Variants in GNA14 observed in about 807,000 individuals in gnomAD.
GNA14 encodes guanine nucleotide-binding protein subunit alpha-14.
Under a neutral mutation model 42.0 loss-of-function variants are expected in GNA14, and 50 were observed. That is an observed-to-expected ratio of 1.19 (90% confidence interval 0.95 to 1.51). The LOEUF (loss-of-function observed/expected upper bound fraction) is 1.51. Among genes scored for constraint, GNA14 ranks in the 40% most tolerant of loss-of-function variants. The probability of loss-of-function intolerance (pLI) is 0.00; values close to 1 mark genes in which losing one functional copy is unlikely to be tolerated. For missense variants in GNA14, 473 were observed against 446.2 expected, an observed-to-expected ratio of 1.06 and a Z score of -0.54; for synonymous variants, 173 against 163.1, an observed-to-expected ratio of 1.06 and a Z score of -0.46.
chr9:77,468,902 A>T (rs1234193155), intron 2 of GNA14, among the ~76,000 whole-genome samples: 1 of 152,258 alleles, frequency 6.6e-6, no homozygotes, highest in Non-Finnish European at 1.5e-5. Flanking sequence ...CTTCTCCAGC[A>T]TATCCTAGCC....
chr9:77,637,047 T>C (rs930459272), intron 1 of GNA14, among the ~76,000 whole-genome samples: 9 of 152,170 alleles, frequency 5.9e-5, no homozygotes, highest in African/African-American at 1.9e-4. Context: ...AGTACAAGGA[T>C]CTATGCAAAC....
intron 1 of GNA14, among the ~76,000 whole-genome samples, chr9:77,627,733 G>A (rs1029571654): frequency 9.2e-5 from 14 of 152,230 alleles, no homozygotes; most frequent in African/African-American, 3.1e-4. Flanking sequence ...GGTATTGATG[G>A]AACGTATCTC....
intron 2 of GNA14, among the ~76,000 whole-genome samples, chr9:77,437,558 G>C (rs1317726188): frequency 6.7e-6 from 1 of 150,196 alleles, no homozygotes; most frequent in African/African-American, 2.5e-5. Context: ...GAAAGAGAGA[G>C]AGAAAGAGAG....
chr9:77,429,564 G>T (rs913922937), intron 4 of GNA14, among the ~76,000 whole-genome samples: 3 of 101,436 alleles, frequency 3.0e-5, no homozygotes, highest in Non-Finnish European at 7.2e-5. Context: ...GAAATCCAAA[G>T]CCTCTATATC....
rs147763222 is a variant in GNA14 at position 77,434,432 on chromosome 9, C to T, written c.400G>A (p.Asp134Asn). Reference sequence around the variant, plus strand: ...TCGTAACACTCCTGGATGCCTGGATCTTGCCAGAGCTGCTTGATGGCCTCC... The same window carrying T: ...TCGTAACACTCCTGGATGCCTGGATTTTGCCAGAGCTGCTTGATGGCCTCC... ...QVEAIKQLWQ[D>N]PGIQECYDRR... The change falls in exon 3 of 7, where the codon GAT (aspartate) becomes AAT (asparagine). Residue 134 changes from aspartate (D) to asparagine (N), a missense_variant. Coordinates refer to ENST00000341700, the MANE Select transcript of GNA14 (RefSeq NM_004297.4). 4.2e-5 allele frequency: 68 copies of T among 1,613,940 alleles called. No individual in the cohort carries two copies. The African/African-American group carries it at 8.3e-4, about 20-fold the overall frequency.
At chr9:77,482,646 G>A (rs2131729798) in intron 2 of GNA14, among the ~76,000 whole-genome samples, 1 of 152,286 alleles carries the variant, frequency 6.6e-6, no homozygotes, top group East Asian at 1.9e-4. Flanking sequence ...ATCCTGCAGA[G>A]TGTTTTCCAA....
intron 2 of GNA14, among the ~76,000 whole-genome samples, chr9:77,514,771 G>A (rs571734651): frequency 3.3e-5 from 5 of 152,000 alleles, no homozygotes; most frequent in Admixed American, 6.6e-5. Flanking sequence ...CTGCCACCAC[G>A]CCCGGCTAAT....
chr9:77,524,951 A>C (rs1837411867), intron 2 of GNA14, among the ~76,000 whole-genome samples: 1 of 152,196 alleles, frequency 6.6e-6, no homozygotes, highest in Non-Finnish European at 1.5e-5. Flanking sequence ...GAAAATGGAA[A>C]AACAGAGATG....
chr9:77,589,833 T>C (rs912433208), intron 1 of GNA14, among the ~76,000 whole-genome samples: 9 of 152,204 alleles, frequency 5.9e-5, no homozygotes, highest in Non-Finnish European at 1.3e-4. Context: ...ATAAACTACG[T>C]CTTTTATAAT....
chr9:77,489,010 C>T (rs1422056274), intron 2 of GNA14, among the ~76,000 whole-genome samples: 2 of 152,018 alleles, frequency 1.3e-5, no homozygotes, highest in Non-Finnish European at 2.9e-5. Flanking sequence ...GTTTTAAAGA[C>T]ACTCAGTGAT....
intron 1 of GNA14, among the ~76,000 whole-genome samples, chr9:77,612,800 T>A (rs529320909): frequency 1.3e-5 from 2 of 152,270 alleles, no homozygotes; most frequent in African/African-American, 2.4e-5. Flanking sequence ...TAAAAAATAT[T>A]GGACTTGGCA....
At chr9:77,459,066 G>A (rs1005111726) in intron 2 of GNA14, among the ~76,000 whole-genome samples, 4 of 152,020 alleles carry the variant, frequency 2.6e-5, no homozygotes, top group South Asian at 2.1e-4. Context: ...CCACTGAATT[G>A]TACACTTAAA....
chr9:77,575,314 G>A (rs776261663), intron 1 of GNA14, among the ~76,000 whole-genome samples: 2 of 152,110 alleles, frequency 1.3e-5, no homozygotes, highest in Non-Finnish European at 2.9e-5. Flanking sequence ...CCTGGAAGGC[G>A]GACGTTGCAG....
At chr9:77,610,231 C>T (rs1370802020) in intron 1 of GNA14, among the ~76,000 whole-genome samples, 2 of 152,254 alleles carry the variant, frequency 1.3e-5, no homozygotes, top group Middle Eastern at 3.4e-3. Context: ...CTACATCCCC[C>T]ACCTCCCTCT....
chr9:77,590,981 C>T lies in GNA14; in HGVS notation c.124+56689G>A, dbSNP rs117295882. ...CTCTTTTGGGGGGCAAAAGATTCCACGTTCTTCTATAGGAATAAAGAACCA... is the reference window on the plus strand; with the variant it reads ...CTCTTTTGGGGGGCAAAAGATTCCATGTTCTTCTATAGGAATAAAGAACCA... On this transcript the variant is annotated intron_variant, in intron 1 of 6. Coordinates refer to ENST00000341700, the MANE Select transcript of GNA14 (RefSeq NM_004297.4). Among the ~76,000 whole-genome samples the T allele has an allele frequency of 3.0e-4, 45 of 152,236 alleles. 1 individual carries two copies. In the East Asian group the frequency reaches 8.5e-3, roughly 29 times the overall value.
chr9:77,425,173 T>A (rs1225766830), intron 6 of GNA14, among the ~76,000 whole-genome samples: 1 of 151,884 alleles, frequency 6.6e-6, no homozygotes, highest in Admixed American at 6.6e-5. Context: ...GGATATGACA[T>A]AGCATGATGT....
chr9:77,478,446 G>T (rs1417814158), intron 2 of GNA14, among the ~76,000 whole-genome samples: 1 of 152,120 alleles, frequency 6.6e-6, no homozygotes, highest in Non-Finnish European at 1.5e-5. Flanking sequence ...ATTTGGGTTG[G>T]TTCCAAGTCT....
At chr9:77,620,934 T>A (rs1283891256) in intron 1 of GNA14, among the ~76,000 whole-genome samples, 1 of 152,066 alleles carries the variant, frequency 6.6e-6, no homozygotes, top group Non-Finnish European at 1.5e-5. Flanking sequence ...TGACTTTATT[T>A]TTTATTTATT....
Position 77,505,597 on chromosome 9 carries a change from A to T in GNA14, c.309+23472T>A, listed in dbSNP as rs557327803. On this transcript the variant is annotated intron_variant, in intron 2 of 6. Transcript: ENST00000341700. Reference sequence around the variant, plus strand: ...AAATGCATGGGTGAATGAATGAACGAACTAAGGAGGAATTAATTAGCAGAT... The same window carrying T: ...AAATGCATGGGTGAATGAATGAACGTACTAAGGAGGAATTAATTAGCAGAT... Among the ~76,000 whole-genome samples the T allele has an allele frequency of 3.3e-5, 5 of 152,360 alleles. No homozygotes were observed. The South Asian group carries it at 8.3e-4, about 25-fold the overall frequency.
Sources: allele counts gnomAD v4.1 joint callset (sites outside exome capture counted in the v4.1 genomes callset), GRCh38; gene constraint gnomAD v4.1.1; transcripts MANE v1.5; gene names NCBI Gene and HGNC (gene_info 2026-07-23, HGNC 2026-07-21).